Variants in SWAP70 observed in about 807,000 individuals in gnomAD.
The protein encoded by SWAP70 is switching B cell complex subunit SWAP70.
SWAP70 carries 34 observed loss-of-function variants against 80.2 expected under a neutral mutation model. The observed-to-expected ratio is 0.42, with a 90% CI of 0.32 to 0.56. The LOEUF is 0.56. Ranked by LOEUF, SWAP70 falls within the 20% of genes least tolerant of loss-of-function variation. The pLI is 0.09. For synonymous variants in SWAP70, 239 were observed against 238.5 expected (o/e 1.00, Z -0.02); for missense variants, 578 against 690.7 (o/e 0.84, Z 1.83).
intron 7 of SWAP70, among the ~76,000 whole-genome samples, chr11:9,734,832 C>G (rs1429075616): frequency 3.9e-5 from 6 of 151,910 alleles, no homozygotes; most frequent in Non-Finnish European, 8.8e-5. Context: ...GCCATGTTGC[C>G]CAGGCTAGTC....
chr11:9,682,954 G>A (rs995820823), intron 1 of SWAP70, among the ~76,000 whole-genome samples: 31 of 152,226 alleles, frequency 2.0e-4, no homozygotes, highest in Non-Finnish European at 2.8e-4. Context: ...GGGATTATAG[G>A]TGTGAGCCAC....
intron 3 of SWAP70, among the ~76,000 whole-genome samples, chr11:9,722,276 G>A (rs1181806881): frequency 1.3e-5 from 2 of 152,210 alleles, no homozygotes; most frequent in African/African-American, 2.4e-5. Context: ...CATTAGTTGA[G>A]CTCTGAGGTA....
intron 4 of SWAP70, among the ~76,000 whole-genome samples, chr11:9,727,474 C>T (rs1851240930): frequency 6.6e-6 from 1 of 152,174 alleles, no homozygotes; most frequent in Admixed American, 6.5e-5. Context: ...ATCCTCCTGC[C>T]TTGGCCTCCC....
chr11:9,666,912 A>G (rs1006228097), intron 1 of SWAP70, among the ~76,000 whole-genome samples: 1 of 151,954 alleles, frequency 6.6e-6, no homozygotes, highest in African/African-American at 2.4e-5. Context: ...TTTAGTAGAG[A>G]TGGGGTTTCA....
chr11:9,748,684 T>A (rs934828435), intron 10 of SWAP70, among the ~76,000 whole-genome samples: 1 of 135,158 alleles, frequency 7.4e-6, no homozygotes, highest in African/African-American at 2.9e-5. Flanking sequence ...CTGACAAAGC[T>A]TTATGCTGCC....
chr11:9,744,625 T>G (rs1851487193), intron 9 of SWAP70, among the ~76,000 whole-genome samples: 1 of 152,152 alleles, frequency 6.6e-6, no homozygotes, highest in Non-Finnish European at 1.5e-5. Flanking sequence ...ACTCAAGTTA[T>G]TGGCCGGACA....
At chr11:9,687,642 G>A (rs1220390669) in intron 1 of SWAP70, among the ~76,000 whole-genome samples, 1 of 152,158 alleles carries the variant, frequency 6.6e-6, no homozygotes, top group African/African-American at 2.4e-5. Flanking sequence ...CATCCATGCT[G>A]TATGACATCA....
chr11:9,673,629 TC>T (rs1850448128), intron 1 of SWAP70, among the ~76,000 whole-genome samples: 1 of 152,184 alleles, frequency 6.6e-6, no homozygotes, highest in African/African-American at 2.4e-5. Context: ...CTGTTCAGAT[TC>T]TTCTTGGTCT....
chr11:9,718,563 AT>A (rs1430288876), intron 3 of SWAP70, among the ~76,000 whole-genome samples: 1 of 152,246 alleles, frequency 6.6e-6, no homozygotes, highest in Non-Finnish European at 1.5e-5. Context: ...ATTTGGACTG[AT>A]TGTAGACTTA....
intron 9 of SWAP70, among the ~76,000 whole-genome samples, chr11:9,744,510 AC>A (rs774754721): frequency 1.3e-5 from 2 of 152,226 alleles, no homozygotes; most frequent in Non-Finnish European, 2.9e-5. Context: ...GACTATAGTC[AC>A]CCTTTCTGCT....
chr11:9,676,784 G>C (rs919958821), intron 1 of SWAP70, among the ~76,000 whole-genome samples: 2 of 151,792 alleles, frequency 1.3e-5, no homozygotes, highest in African/African-American at 4.8e-5. Flanking sequence ...TCAGTAGCTG[G>C]GATTACAGGC....
chr11:9,736,654 T>A (rs951754489), intron 7 of SWAP70, among the ~76,000 whole-genome samples: 4 of 152,272 alleles, frequency 2.6e-5, no homozygotes, highest in South Asian at 2.1e-4. Context: ...GCGAAGACCC[T>A]GATTTTTGCA....
chr11:9,696,857 A>T (rs1850764513), intron 2 of SWAP70, among the ~76,000 whole-genome samples: 1 of 152,260 alleles, frequency 6.6e-6, no homozygotes, highest in South Asian at 2.1e-4. Flanking sequence ...GTTCTCCATA[A>T]CAAGTATATT....
At chr11:9,679,552 T>C (rs536585834) in intron 1 of SWAP70, among the ~76,000 whole-genome samples, 2 of 152,352 alleles carry the variant, frequency 1.3e-5, no homozygotes, top group African/African-American at 4.8e-5. Context: ...TGAGAAACAC[T>C]GTTAGGTAAT....
intron 6 of SWAP70, among the ~76,000 whole-genome samples, chr11:9,731,531 T>C (rs1851297935): frequency 6.6e-6 from 1 of 152,172 alleles, no homozygotes; most frequent in Non-Finnish European, 1.5e-5. Context: ...AGGGAAATGG[T>C]TGAATAAGTT....
intron 2 of SWAP70, among the ~76,000 whole-genome samples, chr11:9,711,871 C>T (rs1157628358): frequency 6.6e-6 from 1 of 152,172 alleles, no homozygotes; most frequent in Non-Finnish European, 1.5e-5. Context: ...GTTACTTGCA[C>T]TTACACGAAG....
intron 2 of SWAP70, among the ~76,000 whole-genome samples, chr11:9,706,724 C>T (rs1210790235): frequency 6.6e-6 from 1 of 152,082 alleles, no homozygotes; most frequent in Non-Finnish European, 1.5e-5. Context: ...ATGGTCTTTT[C>T]TGACTTGCAT....
chr11:9,724,738 CTT>C lies in SWAP70; in HGVS notation c.497_498del (p.Phe166Ter). On this transcript the variant is annotated frameshift_variant, in exon 4 of 12. Coordinates refer to ENST00000318950, the MANE Select transcript of SWAP70 (RefSeq NM_015055.4). LOFTEE classifies it high-confidence loss of function. ...AACAATTTGAACATTATAAAATCAA[CTT>C]TGATGACAGTAAAAATGGCCTTTCT... ...QEQFEHYKIN[F>X]DDSKNGLSAW... 1 of 1,614,060 alleles carries C rather than the reference CTT, an allele frequency of 6.2e-7. No homozygotes were observed. Among genetic ancestry groups the C allele is most frequent in the Non-Finnish European group, 8.5e-7 (1 of 1,180,000 alleles).
At chr11:9,670,672 G>A (rs752227314) in intron 1 of SWAP70, among the ~76,000 whole-genome samples, 27 of 152,100 alleles carry the variant, frequency 1.8e-4, no homozygotes, top group Non-Finnish European at 3.7e-4. Context: ...TTGGGGCAAC[G>A]CTGGAGCTGA....
Sources: allele counts gnomAD v4.1 joint callset (sites outside exome capture counted in the v4.1 genomes callset), GRCh38; gene constraint gnomAD v4.1.1; transcripts MANE v1.5; gene names NCBI Gene and HGNC (gene_info 2026-07-23, HGNC 2026-07-21).